Variants in PTGER3 observed in about 807,000 individuals in gnomAD.
The protein encoded by PTGER3 is prostaglandin E receptor 3.
In PTGER3, 22 loss-of-function variants were observed where a neutral mutation model predicts 34.7. The observed-to-expected ratio is 0.63, with a 90% confidence interval of 0.45 to 0.91. The LOEUF (loss-of-function observed/expected upper bound fraction) is 0.91, where lower values mean the gene tolerates loss of function less well. Among genes scored for constraint, PTGER3 ranks in the 40% least tolerant of loss-of-function variants. PTGER3 has a pLI of 0.00. For synonymous variants in PTGER3, 241 were observed against 230.1 expected (o/e 1.05, Z -0.43); for missense variants, 468 against 519.4 (o/e 0.90, Z 0.96).
At chr1:70,976,054 G>A (rs763701343) in intron 2 of PTGER3, among the ~76,000 whole-genome samples, 5 of 151,870 alleles carry the variant, frequency 3.3e-5, no homozygotes, top group Non-Finnish European at 5.9e-5. Flanking sequence ...AACTTTAGAA[G>A]CAGACTACAG....
At chr1:70,956,299 G>T (rs1651327083) in intron 2 of PTGER3, among the ~76,000 whole-genome samples, 1 of 152,026 alleles carries the variant, frequency 6.6e-6, no homozygotes, top group Admixed American at 6.6e-5. Context: ...CCAGGTGTTT[G>T]TCAAATACCA....
At chr1:70,951,694 C>T (rs1401734191), downstream of PTGER3, among the ~76,000 whole-genome samples, 1 of 152,200 alleles carries the variant, frequency 6.6e-6, no homozygotes, top group African/African-American at 2.4e-5. Context: ...TTCCTTCACT[C>T]TTTACACTAA....
downstream of PTGER3, among the ~76,000 whole-genome samples, chr1:70,948,921 A>G (rs1371563799): frequency 6.6e-6 from 1 of 152,190 alleles, no homozygotes; most frequent in Non-Finnish European, 1.5e-5. Flanking sequence ...GTCATAAAGA[A>G]AAAGAAAGGA....
chr1:70,881,275 C>T (rs1380357816), intron 4 of PTGER3, among the ~76,000 whole-genome samples: 2 of 152,116 alleles, frequency 1.3e-5, no homozygotes, highest in African/African-American at 2.4e-5. Flanking sequence ...TTGATTCTTT[C>T]TTAAAATGGC....
chr1:71,001,637 C>A, intron 2 of PTGER3, among the ~76,000 whole-genome samples: 1 of 152,120 alleles, frequency 6.6e-6, no homozygotes, highest in East Asian at 1.9e-4. Flanking sequence ...CTGACAAGAC[C>A]ACCTTCATGA....
At chr1:71,045,960 T>G (rs1013343822) in intron 1 of PTGER3, among the ~76,000 whole-genome samples, 1 of 151,232 alleles carries the variant, frequency 6.6e-6, no homozygotes, top group African/African-American at 2.4e-5. Flanking sequence ...GGTTGCAGAC[T>G]GAAAATCTTA....
At chr1:70,863,689 T>C (rs981330972) in intron 4 of PTGER3, among the ~76,000 whole-genome samples, 5 of 140,664 alleles carry the variant, frequency 3.6e-5, no homozygotes, top group African/African-American at 1.0e-4. Flanking sequence ...ATATAGCAAA[T>C]GGATTTTTTT....
intron 2 of PTGER3, chr1:71,009,699 T>C: frequency 1.0e-6 from 1 of 985,242 alleles, no homozygotes; most frequent in Non-Finnish European, 1.2e-6. Context: ...TTTAATTGTC[T>C]TTTAACCAAT....
At chr1:70,956,772 A>G (rs767476453) in intron 2 of PTGER3, among the ~76,000 whole-genome samples, 32 of 152,222 alleles carry the variant, frequency 2.1e-4, no homozygotes, top group Non-Finnish European at 3.5e-4. Flanking sequence ...GGGAAGCGGA[A>G]GTGGGCAGAT....
At chr1:70,933,675 G>A (rs1572689925) in intron 4 of PTGER3, among the ~76,000 whole-genome samples, 1 of 152,116 alleles carries the variant, frequency 6.6e-6, no homozygotes. Context: ...TTGTTCATCT[G>A]TTGGCAACAA....
intron 4 of PTGER3, among the ~76,000 whole-genome samples, chr1:70,905,867 A>G (rs1336602572): frequency 6.6e-6 from 1 of 152,098 alleles, no homozygotes; most frequent in Non-Finnish European, 1.5e-5. Context: ...AGGGGCCAGG[A>G]GTGGAATGAC....
At position 71,010,868 on chromosome 1, in the gene PTGER3, A is replaced by G. The variant is rs5686; in HGVS notation, c.1077+1437T>C. On this transcript the variant is annotated intron_variant, in intron 2 of 3. Transcript: ENST00000306666. ...ATCTGATAGACATATTGTACCTATCAAAATTAATTCTTTACCACTAAACAC... is the reference window on the plus strand; with the variant it reads ...ATCTGATAGACATATTGTACCTATCGAAATTAATTCTTTACCACTAAACAC... The G allele has an allele frequency of 2.3e-3, 2,275 of 985,144 alleles. 53 individuals carry two copies. In the African/African-American group the frequency reaches 0.037, roughly 16 times the overall value. 61.0% of individuals were successfully genotyped at this position (985,144 alleles called of 1,614,324 possible).
At chr1:70,949,577 T>C (rs1650547723), downstream of PTGER3, among the ~76,000 whole-genome samples, 1 of 152,156 alleles carries the variant, frequency 6.6e-6, no homozygotes, top group Non-Finnish European at 1.5e-5. Flanking sequence ...TGAAAGAGTT[T>C]GGAAAGCAAT....
intron 4 of PTGER3, chr1:70,865,583 A>T: frequency 8.1e-7 from 1 of 1,228,670 alleles, no homozygotes; most frequent in East Asian, 4.8e-5. Context: ...AGGTGGGACA[A>T]CAGAGATGAA....
chr1:70,979,567 G>T (rs1025215596), intron 2 of PTGER3, among the ~76,000 whole-genome samples: 2 of 151,796 alleles, frequency 1.3e-5, no homozygotes, highest in Non-Finnish European at 2.9e-5. Flanking sequence ...TCTAGTCCGG[G>T]GCCTGCTATA....
At chr1:71,021,207 T>C (rs765810118) in intron 1 of PTGER3, among the ~76,000 whole-genome samples, 3 of 152,178 alleles carry the variant, frequency 2.0e-5, no homozygotes, top group Non-Finnish European at 2.9e-5. Context: ...GAATCATTAT[T>C]CAGTTACTGG....
chr1:71,036,265 T>C (rs1271802943), intron 1 of PTGER3, among the ~76,000 whole-genome samples: 1 of 152,128 alleles, frequency 6.6e-6, no homozygotes, highest in African/African-American at 2.4e-5. Flanking sequence ...CTGAACCTCT[T>C]CTCTCAAGAT....
chr1:70,913,629 CTT>C (rs992346310), intron 4 of PTGER3, among the ~76,000 whole-genome samples: 2 of 151,814 alleles, frequency 1.3e-5, no homozygotes, highest in Admixed American at 1.3e-4. Context: ...TTATTCAAGC[CTT>C]TTATTAGGAA....
intron 2 of PTGER3, 47 bp downstream of exon 2, chr1:71,012,258 T>C (rs1483030191): frequency 6.2e-7 from 1 of 1,614,092 alleles, no homozygotes; most frequent in Admixed American, 1.7e-5. Context: ...TGAGATAGGC[T>C]GCCCTTTCTG....
Sources: gnomAD v4.1 joint callset for allele counts (sites outside exome capture counted in the v4.1 genomes callset) on GRCh38, gnomAD v4.1.1 for gene constraint, MANE v1.5 for transcripts, NCBI Gene and HGNC (gene_info 2026-07-23, HGNC 2026-07-21) for gene names.